Variants in ATP6V1H observed in about 807,000 individuals in gnomAD.
The protein encoded by ATP6V1H is V-type proton ATPase subunit H.
In ATP6V1H, 39 loss-of-function variants were observed where a neutral mutation model predicts 71.7. The observed-to-expected ratio is 0.54, with a 90% CI of 0.42 to 0.71. The LOEUF (loss-of-function observed/expected upper bound fraction) is 0.71, where lower values mean the gene tolerates loss of function less well. Among genes scored for constraint, ATP6V1H ranks in the 30% least tolerant of loss-of-function variants. ATP6V1H has a pLI of 0.00. For missense variants in ATP6V1H, 509 were observed against 594.9 expected, an observed-to-expected ratio of 0.86 and a Z score of 1.50; for synonymous variants, 192 against 199.3, an observed-to-expected ratio of 0.96 and a Z score of 0.31.
chr8:53,817,562 A>T, intron 4 of ATP6V1H, 32 bp from the exon 5 acceptor site: 1 of 1,408,096 alleles, frequency 7.1e-7, no homozygotes, highest in Non-Finnish European at 9.9e-7. Context: ...ATCACCAGTC[A>T]GAACACATTT....
chr8:53,747,325 A>G (rs1356855008), intron 12 of ATP6V1H, among the ~76,000 whole-genome samples: 2 of 152,174 alleles, frequency 1.3e-5, no homozygotes, highest in African/African-American at 4.8e-5. Flanking sequence ...GTAGCAATAT[A>G]CCCTCTAGAG....
At chr8:53,732,054 G>C (rs192110103) in intron 13 of ATP6V1H, among the ~76,000 whole-genome samples, 208 of 152,332 alleles carry the variant, frequency 1.4e-3, no homozygotes, top group African/African-American at 4.5e-3. Flanking sequence ...GTGGAAGCGT[G>C]GCCTGATCAC....
At chr8:53,832,714 T>G in intron 3 of ATP6V1H, 1 of 262,250 alleles carries the variant, frequency 3.8e-6, no homozygotes, top group Admixed American at 5.2e-5. Flanking sequence ...GAATACCAAG[T>G]GGAAAAAATT....
Position 53,718,384 on chromosome 8 carries a change from A to ATTTT in ATP6V1H, c.1392-2364_1392-2361dup, listed in dbSNP as rs35145366. 3.5e-3 allele frequency among the ~76,000 whole-genome samples: 427 copies of ATTTT among 121,770 alleles called. 6 individuals are homozygous for ATTTT. The highest frequency in any genetic ancestry group is 0.013 in the East Asian group (52 of 4,064). The allele number at this position is 121,770 out of a possible 152,430, so 79.9% of individuals were successfully genotyped here. ...TACAGGTAACATCCTCTCCTACACA[A>ATTTT]TTTTTTTTTTTTTTTTTTTTTTGAG... On this transcript the variant is annotated intron_variant, in intron 13 of 13. Transcript: ENST00000359530.
intron 8 of ATP6V1H, 35 bp from the exon 9 acceptor site, chr8:53,795,874 A>G (rs1445739271): frequency 2.6e-6 from 4 of 1,558,766 alleles, no homozygotes; most frequent in Non-Finnish European, 3.5e-6. Flanking sequence ...ACACATTTAC[A>G]AAACATTTAG....
intron 4 of ATP6V1H, among the ~76,000 whole-genome samples, chr8:53,823,492 C>T (rs950964114): frequency 2.6e-5 from 4 of 151,500 alleles, no homozygotes; most frequent in African/African-American, 7.3e-5. Flanking sequence ...TTTGGGGGGG[C>T]GGGGGAGATA....
intron 13 of ATP6V1H, among the ~76,000 whole-genome samples, chr8:53,730,408 C>T (rs1806977762): frequency 6.6e-6 from 1 of 152,206 alleles, no homozygotes; most frequent in Non-Finnish European, 1.5e-5. Flanking sequence ...CTTCTAGTGG[C>T]TAACTTGTTT....
intron 9 of ATP6V1H, among the ~76,000 whole-genome samples, chr8:53,782,000 C>G (rs896412286): frequency 6.6e-6 from 1 of 152,170 alleles, no homozygotes; most frequent in Non-Finnish European, 1.5e-5. Context: ...GTTCTTTTGG[C>G]TTAGGATTAA....
At chr8:53,751,333 G>A (rs74477581) in intron 12 of ATP6V1H, among the ~76,000 whole-genome samples, 1,527 of 152,298 alleles carry the variant, frequency 0.01, 16 homozygotes, top group Middle Eastern at 0.034. Flanking sequence ...ACTGACAAAG[G>A]ACTAGCTATG....
chr8:53,817,180 AT>A (rs1233117307), intron 5 of ATP6V1H, among the ~76,000 whole-genome samples: 1 of 152,058 alleles, frequency 6.6e-6, no homozygotes, highest in Non-Finnish European at 1.5e-5. Context: ...CTATCTGTCA[AT>A]TTTAAAATAA....
intron 12 of ATP6V1H, among the ~76,000 whole-genome samples, chr8:53,755,724 ATATATATATATATATATAT>A (rs1277230026): frequency 1.7e-4 from 1 of 5,906 alleles, no homozygotes; most frequent in African/African-American, 1.2e-3. Flanking sequence ...ATATATATAT[ATATATATATATATATATAT>A]ATTTTTTTTT....
chr8:53,772,932 A>G (rs2130325709), intron 9 of ATP6V1H, among the ~76,000 whole-genome samples: 1 of 150,270 alleles, frequency 6.7e-6, no homozygotes, highest in South Asian at 2.1e-4. Context: ...ACAAAACAGT[A>G]ACAATTAACT....
rs1014581747 is a variant in ATP6V1H, at chr8:53,723,732, C to G, written c.1392-7708G>C. On this transcript the variant is annotated intron_variant, in intron 13 of 13. Coordinates refer to ENST00000359530, the MANE Select transcript of ATP6V1H (RefSeq NM_015941.4). ...GTCCCCATCTCCTCTCTGCCCAGAA[C>G]CCTCCTAGGCCTAAGCCTGCTCTCC... Among the ~76,000 whole-genome samples the G allele has an allele frequency of 1.1e-4, 17 of 152,340 alleles. No individual in the cohort carries two copies. In the East Asian group the frequency reaches 3.3e-3, roughly 29 times the overall value.
At chr8:53,820,936 G>A (rs1260989008) in intron 4 of ATP6V1H, among the ~76,000 whole-genome samples, 1 of 148,618 alleles carries the variant, frequency 6.7e-6, no homozygotes, top group African/African-American at 2.5e-5. Context: ...AGCCAAGACT[G>A]TGCCACTGCA....
intron 13 of ATP6V1H, among the ~76,000 whole-genome samples, chr8:53,720,030 G>A (rs1191890589): frequency 2.0e-5 from 3 of 152,164 alleles, no homozygotes; most frequent in African/African-American, 7.2e-5. Flanking sequence ...AAGGATGCAA[G>A]GAGATCTTTT....
chr8:53,738,791 C>A (rs941843198), intron 13 of ATP6V1H, among the ~76,000 whole-genome samples: 2 of 152,150 alleles, frequency 1.3e-5, no homozygotes, highest in Non-Finnish European at 2.9e-5. Flanking sequence ...TTCAGTGGTG[C>A]ATACTGTCCA....
chr8:53,835,206 A>G (rs200998154), intron 2 of ATP6V1H, among the ~76,000 whole-genome samples: 3 of 152,200 alleles, frequency 2.0e-5, no homozygotes, highest in Non-Finnish European at 4.4e-5. Context: ...GCCTCGGGTC[A>G]GGCTCCCAGA....
At position 53,742,684 on chromosome 8, in the gene ATP6V1H, G is replaced by T. The variant is rs150423970; in HGVS notation, c.1391+893C>A. Among the ~76,000 whole-genome samples, 347 of 152,296 alleles carry T rather than the reference G, an allele frequency of 2.3e-3. 2 individuals are homozygous for T. The highest frequency in any genetic ancestry group is 8.1e-3 in the African/African-American group (336 of 41,546). ...GTGTTAAGTGGCAGGAACGTAATATGTAACACATGATACCACAGCAGTACT... is the reference window on the plus strand; with the variant it reads ...GTGTTAAGTGGCAGGAACGTAATATTTAACACATGATACCACAGCAGTACT... On this transcript the variant is annotated intron_variant, in intron 13 of 13. Transcript: ENST00000359530.
chr8:53,836,866 C>A (rs1811173982), intron 2 of ATP6V1H, among the ~76,000 whole-genome samples: 1 of 152,164 alleles, frequency 6.6e-6, no homozygotes, highest in Admixed American at 6.5e-5. Context: ...AGAAGCTGGG[C>A]ATGGTGGCTC....
Sources: allele counts gnomAD v4.1 joint callset (sites outside exome capture counted in the v4.1 genomes callset), GRCh38; gene constraint gnomAD v4.1.1; transcripts MANE v1.5; gene names NCBI Gene and HGNC (gene_info 2026-07-23, HGNC 2026-07-21).